The following SPTBN5 variants were observed in gnomAD, a reference collection of about 807,000 sequenced individuals.
SPTBN5 encodes the protein spectrin beta chain, non-erythrocytic 5.
SPTBN5 carries 513 observed loss-of-function variants against 477.6 expected under a neutral mutation model. That is an observed-to-expected ratio of 1.07 (90% CI 1.00 to 1.16). SPTBN5 has a LOEUF of 1.16. Among genes scored for constraint, SPTBN5 ranks in the 50% most tolerant of loss-of-function variants. The pLI is 0.00. For missense variants in SPTBN5, 5,062 were observed against 4,731.8 expected (o/e 1.07, Z -2.05); for synonymous variants, 2,169 against 2,011.7 (o/e 1.08, Z -2.09).
At chr15:41,875,350 G>A in intron 22 of SPTBN5, 108 bp downstream of exon 22, 5 of 1,331,848 alleles carry the variant, frequency 3.8e-6, no homozygotes, top group Non-Finnish European at 5.0e-6. Context: ...GCCTCCAGAG[G>A]CTGCAGAGCC....
Position 41,852,251 on chromosome 15 carries a change from T to G in SPTBN5, c.10515A>C (p.Thr3505=). The stretch of plus-strand genomic sequence containing the variant: ...GTCCAGAGGGCCTCCACTGAAAGGA[T>G]GTCAGCGAGCTGCCAGCTCTCCCGG... ...LKPGRAGSSL[T]SFQWRPSGHQ... The change falls in exon 62 of 68, where the codon ACA becomes ACC. Residue 3505 remains threonine, a synonymous_variant. Coordinates refer to ENST00000320955, the MANE Select transcript of SPTBN5 (RefSeq NM_016642.4). 6.2e-7 allele frequency: 1 copy of G among 1,610,568 alleles called. No homozygotes were observed. Among genetic ancestry groups the G allele is most frequent in the Non-Finnish European group, 8.5e-7 (1 of 1,178,554 alleles).
Position 41,883,216 on chromosome 15 carries a change from ACCTGGCCGGCT to A in SPTBN5, c.1661_1671del (p.Glu554ValfsTer19). On this transcript the variant is annotated frameshift_variant and splice_region_variant, in exon 9 of 68. Transcript: ENST00000320955. LOFTEE classifies it high-confidence loss of function. ...GCCAGCTGCTGCCCACAGGCGGTGG[ACCTGGCCGGCT>A]CCTGGCCAGAGATGATGGTCATTGC... 8 of 1,610,186 alleles carry A rather than the reference ACCTGGCCGGCT, an allele frequency of 5.0e-6. No individual in the cohort carries two copies. The African/African-American group carries it at 9.4e-5, about 19-fold the overall frequency.
chr15:41,848,778 T>C (rs2065643485), intron 67 of SPTBN5, 150 bp from the exon 68 acceptor site: 4 of 939,632 alleles, frequency 4.3e-6, no homozygotes, highest in Admixed American at 1.8e-5. Context: ...TGACAGGCGC[T>C]GCAGCAGCGA....
In SPTBN5 at chr15:41,856,955, G is replaced by A. The variant is rs766773113; in HGVS notation, c.8706C>T (p.Ala2902=). 1.4e-5 allele frequency: 22 copies of A among 1,591,556 alleles called. No individual in the cohort carries two copies. Among genetic ancestry groups the A allele is most frequent in the Middle Eastern group, 3.3e-4 (2 of 6,060 alleles). ...RSLLLKFFRD[A]DEEMAWVQEK... Reference sequence around the variant, plus strand: ...CCTGCACCCAGGCCATTTCCTCGTCGGCGTCCCTGAAGAACTTCAAGAGGA... The same window carrying A: ...CCTGCACCCAGGCCATTTCCTCGTCAGCGTCCCTGAAGAACTTCAAGAGGA... Residue 2902 remains alanine, a synonymous_variant, in exon 52 of 68, where the codon GCC becomes GCT. Transcript: ENST00000320955.
intron 55 of SPTBN5, 86 bp downstream of exon 55, chr15:41,855,137 CT>C: frequency 6.7e-7 from 1 of 1,486,364 alleles, no homozygotes; most frequent in Non-Finnish European, 9.1e-7. Flanking sequence ...CTCCTTTCTG[CT>C]GACTCCCCAG....
intron 38 of SPTBN5, 58 bp downstream of exon 38, chr15:41,865,980 C>T: frequency 6.5e-7 from 1 of 1,546,952 alleles, no homozygotes; most frequent in East Asian, 2.4e-5. Flanking sequence ...GGGGATCCCT[C>T]CTGTCAAGGG....
chr15:41,851,727 A>AGTGCTGCTGCAAGTGGG (rs1169676718), intron 63 of SPTBN5, 52 bp downstream of exon 63: 1 of 1,412,748 alleles, frequency 7.1e-7, no homozygotes, highest in Non-Finnish European at 1.0e-6. Context: ...GAGCCACTCA[A>AGTGCTGCTGCAAGTGGG]GTGCTGCTGC....
At chr15:41,851,879 G>C (rs2065776713) in intron 62 of SPTBN5, 29 bp from the exon 63 acceptor site, 2 of 1,579,370 alleles carry the variant, frequency 1.3e-6, no homozygotes, top group African/African-American at 1.3e-5. Flanking sequence ...GCCCAGAAAT[G>C]TCAGGACCAG....
In SPTBN5 at chr15:41,886,119, G is replaced by T; in HGVS notation, c.1136C>A (p.Ala379Asp). ...LLFRLQTALQ[A>D]QNRRPFLPHE... is the part of the protein sequence containing the mutation. Reference sequence around the variant, plus strand: ...AGGCAGGAAGGGCCTGCGGTTCTGGGCTTGGAGTGCTGTCTGTAGCCGGAA... The same window carrying T: ...AGGCAGGAAGGGCCTGCGGTTCTGGTCTTGGAGTGCTGTCTGTAGCCGGAA... Residue 379 changes from alanine (A) to aspartate (D), a missense_variant, in exon 7 of 68, where the codon GCC (alanine) becomes GAC (aspartate). Ala to Asp is a moderately radical substitution (Grantham distance 126). Transcript: ENST00000320955. The T allele has an allele frequency of 6.2e-7, 1 of 1,610,920 alleles. No homozygotes were observed. Among genetic ancestry groups the T allele is most frequent in the Non-Finnish European group, 8.5e-7 (1 of 1,178,568 alleles).
At chr15:41,855,821 C>T in intron 53 of SPTBN5, 76 bp from the exon 54 acceptor site, 1 of 1,412,404 alleles carries the variant, frequency 7.1e-7, no homozygotes, top group Non-Finnish European at 9.4e-7. Flanking sequence ...CGATTCTCAG[C>T]CTGGCTGCAC....
rs776338500 is a variant in SPTBN5, at chr15:41,878,520, G to T, written c.3292C>A (p.Gln1098Lys). Residue 1098 changes from glutamine to lysine, a missense_variant, in exon 17 of 68, where the codon CAG becomes AAG. By Grantham distance (53) the Gln-to-Lys change is moderately conservative. Transcript: ENST00000320955. Reference protein sequence around the residue: ...QEQVAQRARRQAETQARQSFL... With the variant: ...QEQVAQRARRKAETQARQSFL... Reference sequence around the variant, plus strand: ...CTCTGCCGGGCCTGAGTCTCAGCCTGGCGCCGGGCCCGTTGGGCCACTTGT... The same window carrying T: ...CTCTGCCGGGCCTGAGTCTCAGCCTTGCGCCGGGCCCGTTGGGCCACTTGT... 2 of 1,613,032 alleles carry T rather than the reference G, an allele frequency of 1.2e-6. No individual in the cohort carries two copies. The highest frequency in any genetic ancestry group is 2.7e-5 in the African/African-American group (2 of 74,944).
intron 41 of SPTBN5, 48 bp downstream of exon 41, chr15:41,863,656 G>A (rs1595462410): frequency 6.8e-7 from 1 of 1,472,162 alleles, no homozygotes; most frequent in South Asian, 1.2e-5. Flanking sequence ...CCCCTCCCCT[G>A]ACTGCATTTG....
At chr15:41,855,079 C>A in intron 55 of SPTBN5, 103 bp from the exon 56 acceptor site, 1 of 1,445,338 alleles carries the variant, frequency 6.9e-7, no homozygotes, top group Non-Finnish European at 9.3e-7. Context: ...AATCCCTCAG[C>A]CCAGGTTCTG....
At position 41,872,395 on chromosome 15, in the gene SPTBN5, G is replaced by T; in HGVS notation, c.5072C>A (p.Thr1691Asn). The T allele has an allele frequency of 6.2e-7, 1 of 1,604,616 alleles. No homozygotes were observed. The change falls in exon 27 of 68, where the codon ACC becomes AAC. Residue 1691 changes from threonine to asparagine, a missense_variant. By Grantham distance (65) the Thr-to-Asn change is moderately conservative (BLOSUM62 0). Transcript: ENST00000320955. ...CTCAGGGACTTCGGGGCCAGTGAGG[G>T]TTTGGGCCGTCTGGTCAAGCTCCTC... Reference protein sequence around the residue: ...SMEELDQTAQTLTGPEVPEQQ... With the variant: ...SMEELDQTAQNLTGPEVPEQQ...
rs76604646 is a variant in SPTBN5 at position 41,889,062 on chromosome 15, G to A, written c.502-977C>T. ...AGGGGGCTGCAGACAGACAGAGACG[G>A]TGCTGGTCAGGGAGGATGCCCACCT... is the stretch of plus-strand genomic sequence containing the variant. On this transcript the variant is annotated intron_variant, in intron 4 of 67. Coordinates refer to ENST00000320955, the MANE Select transcript of SPTBN5 (RefSeq NM_016642.4). Among the ~76,000 whole-genome samples the A allele has an allele frequency of 3.9e-5, 6 of 152,362 alleles. No homozygotes were observed. In the East Asian group the frequency reaches 1.2e-3, roughly 29 times the overall value.
At chr15:41,851,230 T>C in intron 64 of SPTBN5, 53 bp downstream of exon 64, 1 of 1,560,090 alleles carries the variant, frequency 6.4e-7, no homozygotes, top group Non-Finnish European at 8.7e-7. Context: ...GGGGCCCCTC[T>C]GCCTTGCTTC....
rs569971025 is a variant in SPTBN5 at position 41,892,496 on chromosome 15, A to C, written c.384+398T>G. Among the ~76,000 whole-genome samples the C allele has an allele frequency of 5.3e-5, 8 of 152,192 alleles. No homozygotes were observed. In the East Asian group the frequency reaches 1.4e-3, roughly 26 times the overall value. On this transcript the variant is annotated intron_variant, in intron 3 of 67. Coordinates refer to ENST00000320955, the MANE Select transcript of SPTBN5 (RefSeq NM_016642.4). ...CTTCCCCACCTGCCGTCTTAGTCCC[A>C]CATCTGGGCTCTGTTGGCTGGTTAA...
intron 5 of SPTBN5, 53 bp from the exon 6 acceptor site, chr15:41,887,494 T>A (rs1567232623): frequency 7.2e-7 from 1 of 1,382,760 alleles, no homozygotes; most frequent in Non-Finnish European, 1.0e-6. Flanking sequence ...CTGCTTTCCT[T>A]TAAGTAGATT....
At chr15:41,850,545 C>T (rs555236139) in intron 66 of SPTBN5, 43 of 401,010 alleles carry the variant, frequency 1.1e-4, no homozygotes, top group Non-Finnish European at 1.4e-4. Context: ...GAACACAGTC[C>T]ATGAGGATTC....
Sources: gnomAD v4.1 joint callset for allele counts (sites outside exome capture counted in the v4.1 genomes callset) on GRCh38, gnomAD v4.1.1 for gene constraint, MANE v1.5 for transcripts, NCBI Gene and HGNC (gene_info 2026-07-23, HGNC 2026-07-21) for gene names.